The following TSTD2 variants were observed in gnomAD, a reference collection of about 807,000 sequenced individuals.
TSTD2 encodes the protein thiosulfate sulfurtransferase/rhodanese-like domain-containing protein 2.
Under a neutral mutation model 47.9 loss-of-function variants are expected in TSTD2, and 37 were observed. That is an observed-to-expected ratio of 0.77 (90% CI 0.59 to 1.02). TSTD2 has a LOEUF of 1.02. Among genes scored for constraint, TSTD2 ranks in the 50% least tolerant of loss-of-function variants. The pLI, the probability that TSTD2 is intolerant of heterozygous loss-of-function variation, is 0.00. For synonymous variants in TSTD2, 201 were observed against 215.9 expected, an observed-to-expected ratio of 0.93 and a Z score of 0.61; for missense variants, 586 against 616.0, an observed-to-expected ratio of 0.95 and a Z score of 0.52.
In TSTD2 at chr9:97,602,262, G is replaced by T; in HGVS notation, c.*207C>A. On this transcript the variant is annotated 3_prime_UTR_variant, in exon 10 of 10. Transcript: ENST00000341170. ...CAGCTCACCTATTTTCTGTGCTCTA[G>T]CATCATCCAAATCAGAATGTCTCAG... 1.6e-6 allele frequency: 1 copy of T among 615,484 alleles called. No homozygotes were observed. The highest frequency in any genetic ancestry group is 2.7e-6 in the Non-Finnish European group (1 of 363,886). 38.1% of individuals were successfully genotyped at this position (615,484 alleles called of 1,614,324 possible). A position where few individuals can be genotyped will look rare whatever the true frequency, so the allele number is the denominator to read the frequency against.
rs542073140 is a variant in TSTD2, at chr9:97,632,979, T to C, written c.-51+264A>G. Reference sequence around the variant, plus strand: ...GAGGGGACGCTCACACACAGGCATATAGGTACCCAATAACCCTTGAAAACA... The same window carrying C: ...GAGGGGACGCTCACACACAGGCATACAGGTACCCAATAACCCTTGAAAACA... On this transcript the variant is annotated intron_variant, in intron 1 of 9. Coordinates refer to ENST00000341170, the MANE Select transcript of TSTD2 (RefSeq NM_139246.5). Among the ~76,000 whole-genome samples the C allele has an allele frequency of 5.7e-4, 87 of 152,346 alleles. 3 individuals carry two copies. In the South Asian group the frequency reaches 0.017, roughly 30 times the overall value.
chr9:97,602,891 G>GT (rs1826291152), intron 9 of TSTD2, 124 bp from the exon 10 acceptor site: 1 of 980,276 alleles, frequency 1.0e-6, no homozygotes, highest in East Asian at 2.8e-5. Context: ...TTTCCAAATA[G>GT]TAAGTCTTCT....
At chr9:97,606,380 T>A (rs1826365821) in intron 6 of TSTD2, 119 bp from the exon 7 acceptor site, 2 of 616,484 alleles carry the variant, frequency 3.2e-6, no homozygotes, top group African/African-American at 1.8e-5. Context: ...TCTCTTCTCT[T>A]CATAATTACA....
At chr9:97,632,927 A>T (rs1826860621) in intron 1 of TSTD2, among the ~76,000 whole-genome samples, 3 of 152,256 alleles carry the variant, frequency 2.0e-5, no homozygotes, top group Admixed American at 2.0e-4. Context: ...CAGATAAGCC[A>T]GTATGGTGCT....
rs1826349070 is a variant in TSTD2, at chr9:97,605,471, G to T, written c.1113+12C>A. 1.2e-6 allele frequency: 2 copies of T among 1,612,982 alleles called. No homozygotes were observed. The highest frequency in any genetic ancestry group is 1.7e-6 in the Non-Finnish European group (2 of 1,179,776). ...ACTGCCATGCCCACAGTGCCCCGGG[G>T]TGGTGGCTCACCTTGGCTTTGAGGT... is the stretch of plus-strand genomic sequence containing the variant. On this transcript the variant is annotated intron_variant, in intron 8 of 9. Transcript: ENST00000341170.
Position 97,627,451 on chromosome 9 carries a change from T to G in TSTD2, c.112A>C (p.Lys38Gln), listed in dbSNP as rs770202385. Reference protein sequence around the residue: ...MSLINPSSSLKAELDGSTKKK... With the variant: ...MSLINPSSSLQAELDGSTKKK... The stretch of plus-strand genomic sequence containing the variant: ...TTTGTACTGCCATCTAATTCTGCTT[T>G]AAGACTGCTGCTGGGATTAATAAGA... The change falls in exon 2 of 10, where the codon AAA (lysine) becomes CAA (glutamine). Residue 38 changes from lysine (K) to glutamine (Q), a missense_variant. By Grantham distance (53) the Lys-to-Gln change is moderately conservative (BLOSUM62 1). Coordinates refer to ENST00000341170, the MANE Select transcript of TSTD2 (RefSeq NM_139246.5). The G allele has an allele frequency of 5.6e-6, 9 of 1,611,730 alleles. No individual in the cohort carries two copies. In the Admixed American group the frequency reaches 1.5e-4, roughly 27 times the overall value.
In TSTD2 at chr9:97,627,392, T is replaced by A. The variant is rs1826739754; in HGVS notation, c.165+6A>T. The A allele has an allele frequency of 6.3e-7, 1 of 1,590,646 alleles. No individual in the cohort carries two copies. Among genetic ancestry groups the A allele is most frequent in the Non-Finnish European group, 8.6e-7 (1 of 1,165,930 alleles). ...CATGATCATGAAACATTCATAAGAA[T>A]TCTACCTTTTTCTTTGCAAACGAGT... is the stretch of plus-strand genomic sequence containing the variant. On this transcript the variant is annotated splice_donor_region_variant and intron_variant, in intron 2 of 9. Transcript: ENST00000341170.
chr9:97,610,477 T>C (rs776597380), intron 5 of TSTD2, 26 bp from the exon 6 acceptor site: 1 of 1,498,948 alleles, frequency 6.7e-7, no homozygotes, highest in Non-Finnish European at 8.9e-7. Context: ...CAAAACAGAA[T>C]ACAGTCTTGC....
intron 3 of TSTD2, among the ~76,000 whole-genome samples, chr9:97,619,399 C>CA (rs1826595430): frequency 6.6e-6 from 1 of 152,212 alleles, no homozygotes; most frequent in African/African-American, 2.4e-5. Flanking sequence ...GCAACAAGAC[C>CA]AATCCCTCTT....
intron 3 of TSTD2, among the ~76,000 whole-genome samples, chr9:97,620,624 C>T (rs918752621): frequency 6.6e-6 from 1 of 152,166 alleles, no homozygotes; most frequent in African/African-American, 2.4e-5. Context: ...ATGATATGGA[C>T]AATGAACTTC....
chr9:97,625,792 C>T lies in TSTD2; in HGVS notation c.371G>A (p.Ser124Asn). 1 of 1,614,156 alleles carries T rather than the reference C, an allele frequency of 6.2e-7. No individual in the cohort carries two copies. Residue 124 changes from serine to asparagine, a missense_variant, in exon 3 of 10, where the codon AGT becomes AAT. Ser to Asn is a conservative substitution (Grantham distance 46). Transcript: ENST00000341170. ...GTTCTTTTCATCTGCAGACGAAAGA[C>T]TCTTTGAGGTGCTCAATGTCACAGC... ...QLAVTLSTSK[S>N]LSSADEKNPL...
intron 8 of TSTD2, 39 bp from the exon 9 acceptor site, chr9:97,604,904 CAG>C (rs1564005693): frequency 1.2e-6 from 2 of 1,609,616 alleles, no homozygotes; most frequent in Non-Finnish European, 8.5e-7. Flanking sequence ...GAAGAGCCAG[CAG>C]AGACCTGTTA....
intron 1 of TSTD2, among the ~76,000 whole-genome samples, chr9:97,628,709 A>AT (rs1826761379): frequency 6.6e-6 from 1 of 152,190 alleles, no homozygotes; most frequent in Non-Finnish European, 1.5e-5. Context: ...ATAAAGCGTG[A>AT]TGGAAGCAAT....
intron 6 of TSTD2, among the ~76,000 whole-genome samples, chr9:97,606,891 C>T (rs192207282): frequency 3.3e-5 from 5 of 151,652 alleles, no homozygotes; most frequent in Middle Eastern, 3.4e-3. Flanking sequence ...ACAACAGAAA[C>T]GACATATGAG....
At chr9:97,610,125 C>T (rs778617075) in intron 6 of TSTD2, 9 of 367,312 alleles carry the variant, frequency 2.5e-5, no homozygotes, top group Non-Finnish European at 4.0e-5. Flanking sequence ...GATAAACCAT[C>T]ACCAAGAGGA....
At chr9:97,610,521 A>G (rs1169282170) in intron 5 of TSTD2, 70 bp from the exon 6 acceptor site, 5 of 1,142,610 alleles carry the variant, frequency 4.4e-6, no homozygotes, top group Admixed American at 3.0e-5. Flanking sequence ...AAGTGCCAAT[A>G]TAAGAATGAT....
At chr9:97,627,111 T>C (rs1356432012) in intron 2 of TSTD2, among the ~76,000 whole-genome samples, 1 of 152,180 alleles carries the variant, frequency 6.6e-6, no homozygotes, top group East Asian at 1.9e-4. Flanking sequence ...TTTCTTCACT[T>C]GTCATTTGGT....
At position 97,601,115 on chromosome 9, in the gene TSTD2, C is replaced by CT; in HGVS notation, c.*1353dup. Reference sequence around the variant, plus strand: ...CCTCAGCGCTATGGAAGAGTGTCCACTGAGGCTGCACATGGCCCAGGAGTG... The same window carrying CT: ...CCTCAGCGCTATGGAAGAGTGTCCACTTGAGGCTGCACATGGCCCAGGAGTG... On this transcript the variant is annotated 3_prime_UTR_variant, in exon 10 of 10. Coordinates refer to ENST00000341170, the MANE Select transcript of TSTD2 (RefSeq NM_139246.5). 1 of 1,304,308 alleles carries CT rather than the reference C, an allele frequency of 7.7e-7. No homozygotes were observed. Among genetic ancestry groups the CT allele is most frequent in the Non-Finnish European group, 1.0e-6 (1 of 988,956 alleles). The allele number at this position is 1,304,308 out of a possible 1,614,324, so 80.8% of individuals were successfully genotyped here.
chr9:97,614,085 T>C (rs569092015), intron 4 of TSTD2, among the ~76,000 whole-genome samples: 17 of 152,088 alleles, frequency 1.1e-4, no homozygotes, highest in Non-Finnish European at 2.2e-4. Flanking sequence ...GCCTCGGCCT[T>C]CCAAAGTGCT....
Sources: allele counts gnomAD v4.1 joint callset (sites outside exome capture counted in the v4.1 genomes callset), GRCh38; gene constraint gnomAD v4.1.1; transcripts MANE v1.5; gene names NCBI Gene and HGNC (gene_info 2026-07-23, HGNC 2026-07-21).